Variants in GRID1 observed in about 807,000 individuals in gnomAD.
GRID1 encodes glutamate ionotropic receptor delta type subunit 1.
A neutral mutation model predicts 98.0 loss-of-function variants in GRID1; 28 were observed. The ratio of observed to expected loss-of-function variants is 0.29; its 90% CI spans 0.21 to 0.39. The LOEUF (loss-of-function observed/expected upper bound fraction) is 0.39, where lower values mean the gene tolerates loss of function less well. GRID1 is among the 10% of genes least tolerant of loss of function. The pLI is 1.00. For missense variants in GRID1, 1,111 were observed against 1,340.5 expected, an observed-to-expected ratio of 0.83 and a Z score of 2.67; for synonymous variants, 553 against 538.5, an observed-to-expected ratio of 1.03 and a Z score of -0.37.
At chr10:86,302,872 T>G (rs1847709736) in intron 2 of GRID1, among the ~76,000 whole-genome samples, 1 of 152,190 alleles carries the variant, frequency 6.6e-6, no homozygotes, top group Non-Finnish European at 1.5e-5. Flanking sequence ...TCTCAGGCCC[T>G]CCCTGGACCT....
At chr10:85,957,330 C>T (rs538331641) in intron 4 of GRID1, among the ~76,000 whole-genome samples, 21 of 152,184 alleles carry the variant, frequency 1.4e-4, no homozygotes, top group South Asian at 1.2e-3. Context: ...AATGGTGTGG[C>T]CAGAGTATCC....
At chr10:86,302,291 C>T (rs1209802680) in intron 2 of GRID1, among the ~76,000 whole-genome samples, 1 of 152,194 alleles carries the variant, frequency 6.6e-6, no homozygotes, top group African/African-American at 2.4e-5. Context: ...CAGTAGTCCT[C>T]GCCCAGCAGA....
At chr10:86,088,919 A>T (rs1337801615) in intron 4 of GRID1, among the ~76,000 whole-genome samples, 2 of 152,112 alleles carry the variant, frequency 1.3e-5, no homozygotes, top group Non-Finnish European at 2.9e-5. Flanking sequence ...TGCTATCAAC[A>T]GAAGTCCTGC....
At chr10:86,217,637 T>G (rs116574952) in intron 2 of GRID1, among the ~76,000 whole-genome samples, 1 of 152,086 alleles carries the variant, frequency 6.6e-6, no homozygotes, top group African/African-American at 2.4e-5. Flanking sequence ...AAATTCCACA[T>G]GCCTGCGGGT....
intron 2 of GRID1, among the ~76,000 whole-genome samples, chr10:86,299,183 G>A (rs1280857574): frequency 7.1e-6 from 1 of 141,524 alleles, no homozygotes; most frequent in Non-Finnish European, 1.5e-5. Context: ...CTTTCCATGT[G>A]GGCAATAAGA....
At chr10:85,747,785 G>A (rs1018931574) in intron 8 of GRID1, among the ~76,000 whole-genome samples, 11 of 152,180 alleles carry the variant, frequency 7.2e-5, no homozygotes, top group African/African-American at 2.7e-4. Context: ...CTTGAGCCCA[G>A]ATGATCTAGC....
chr10:86,277,522 C>T (rs2814356), intron 2 of GRID1, among the ~76,000 whole-genome samples: 6,285 of 152,100 alleles, frequency 0.041, 243 homozygotes, highest in Admixed American at 0.11. Context: ...TTTTAATTGG[C>T]ACATAATTGA....
chr10:85,642,516 T>G (rs761028141), intron 13 of GRID1, among the ~76,000 whole-genome samples: 1 of 152,226 alleles, frequency 6.6e-6, no homozygotes, highest in Non-Finnish European at 1.5e-5. Flanking sequence ...ACAGGAATCT[T>G]GTCTCCGATT....
intron 8 of GRID1, among the ~76,000 whole-genome samples, chr10:85,737,219 A>G (rs920650082): frequency 1.3e-5 from 2 of 152,116 alleles, no homozygotes; most frequent in African/African-American, 4.8e-5. Flanking sequence ...CAAGTCCTAG[A>G]AGGATGTGTG....
chr10:86,351,719 T>C (rs1175960738), intron 2 of GRID1, among the ~76,000 whole-genome samples: 1 of 152,186 alleles, frequency 6.6e-6, no homozygotes, highest in Non-Finnish European at 1.5e-5. Flanking sequence ...CAGTGTCCTC[T>C]TGGGCTTCAT....
chr10:85,990,181 A>C (rs1238327570), intron 4 of GRID1, among the ~76,000 whole-genome samples: 1 of 152,258 alleles, frequency 6.6e-6, no homozygotes, highest in Non-Finnish European at 1.5e-5. Context: ...CCTGTTGATC[A>C]CATTGCCTTA....
intron 3 of GRID1, among the ~76,000 whole-genome samples, chr10:86,178,431 G>C (rs954545036): frequency 6.6e-6 from 1 of 152,114 alleles, no homozygotes; most frequent in African/African-American, 2.4e-5. Context: ...GCTCTCCAGA[G>C]GCAACCTGGC....
At chr10:85,759,849 AG>A (rs1842131320) in intron 8 of GRID1, among the ~76,000 whole-genome samples, 2 of 152,220 alleles carry the variant, frequency 1.3e-5, no homozygotes, top group South Asian at 4.1e-4. Context: ...CTGAAATCCT[AG>A]CTAATTAGTG....
chr10:86,059,237 G>A (rs1843617391), intron 4 of GRID1, among the ~76,000 whole-genome samples: 1 of 152,202 alleles, frequency 6.6e-6, no homozygotes, highest in African/African-American at 2.4e-5. Context: ...GATATCAAGA[G>A]GTCTTGCTTG....
At chr10:85,851,507 A>G (rs920544952) in intron 8 of GRID1, among the ~76,000 whole-genome samples, 1 of 152,190 alleles carries the variant, frequency 6.6e-6, no homozygotes, top group Admixed American at 6.5e-5. Flanking sequence ...GGGCTGAGTA[A>G]TCTACAGTCT....
intron 4 of GRID1, among the ~76,000 whole-genome samples, chr10:86,045,965 G>T (rs993342683): frequency 5.3e-5 from 8 of 152,152 alleles, no homozygotes; most frequent in Non-Finnish European, 8.8e-5. Flanking sequence ...TTGAGCAGGG[G>T]ATTTTCAGGT....
rs575079170 is a variant in GRID1, at chr10:85,953,568, T to C, written c.727-37329A>G. Among the ~76,000 whole-genome samples the C allele has an allele frequency of 2.0e-3, 312 of 152,338 alleles. 2 individuals carry two copies. The highest frequency in any genetic ancestry group is 7.1e-3 in the African/African-American group (296 of 41,584). On this transcript the variant is annotated intron_variant, in intron 4 of 15. Coordinates refer to ENST00000327946, the MANE Select transcript of GRID1 (RefSeq NM_017551.3). ...TTTGTGAGAAGAAACTTCCAGACTA[T>C]GTATAACTAAAAAAGCCTTCTCCAC...
intron 8 of GRID1, among the ~76,000 whole-genome samples, chr10:85,754,513 G>A (rs1000703253): frequency 6.6e-6 from 1 of 152,184 alleles, no homozygotes; most frequent in African/African-American, 2.4e-5. Context: ...GGAAAGGTAT[G>A]ACAAAGAGAG....
intron 4 of GRID1, among the ~76,000 whole-genome samples, chr10:85,961,181 T>C (rs562072080): frequency 6.6e-6 from 1 of 152,090 alleles, no homozygotes; most frequent in African/African-American, 2.4e-5. Context: ...AATGAAATAA[T>C]GTACATGAAA....
Sources: gnomAD v4.1 joint callset for allele counts (sites outside exome capture counted in the v4.1 genomes callset) on GRCh38, gnomAD v4.1.1 for gene constraint, MANE v1.5 for transcripts, NCBI Gene and HGNC (gene_info 2026-07-23, HGNC 2026-07-21) for gene names.